ARHGAP24: variants seen among roughly 807,000 people sequenced by gnomAD.
ARHGAP24 encodes rho GTPase-activating protein 24.
Under a neutral mutation model 76.4 loss-of-function variants are expected in ARHGAP24, and 50 were observed. The ratio of observed to expected loss-of-function variants is 0.65; its 90% CI spans 0.52 to 0.83. ARHGAP24 has a LOEUF of 0.83. ARHGAP24 is among the 40% of genes least tolerant of loss of function. ARHGAP24 has a pLI of 0.00. For synonymous variants in ARHGAP24, 345 were observed against 323.3 expected (o/e 1.07, Z -0.72); for missense variants, 930 against 914.2 (o/e 1.02, Z -0.22).
At chr4:85,947,342 T>G (rs1200209486) in intron 5 of ARHGAP24, among the ~76,000 whole-genome samples, 1 of 152,194 alleles carries the variant, frequency 6.6e-6, no homozygotes. Context: ...TTTAATTAGG[T>G]CTCATTTGTC....
intron 1 of ARHGAP24, among the ~76,000 whole-genome samples, chr4:85,496,895 G>A (rs1723604527): frequency 6.6e-6 from 1 of 152,196 alleles, no homozygotes; most frequent in African/African-American, 2.4e-5. Flanking sequence ...ACAGAGAAAT[G>A]AGTATGAAAT....
At chr4:85,791,711 T>C (rs1297428010) in intron 3 of ARHGAP24, among the ~76,000 whole-genome samples, 2 of 152,220 alleles carry the variant, frequency 1.3e-5, no homozygotes, top group Non-Finnish European at 2.9e-5. Context: ...AGCTAAGGAC[T>C]CTGCTGACCC....
intron 5 of ARHGAP24, among the ~76,000 whole-genome samples, chr4:85,958,607 C>G (rs941370106): frequency 3.9e-5 from 6 of 152,122 alleles, no homozygotes; most frequent in Non-Finnish European, 7.3e-5. Context: ...TTTTATGACT[C>G]AGATTGTAAA....
chr4:85,834,645 G>A (rs75160826), intron 3 of ARHGAP24, among the ~76,000 whole-genome samples: 3 of 152,160 alleles, frequency 2.0e-5, no homozygotes, highest in Non-Finnish European at 2.9e-5. Context: ...TGACGTCCAC[G>A]TGGTTTCTGG....
chr4:85,907,473 A>C (rs1734829530), intron 3 of ARHGAP24, among the ~76,000 whole-genome samples: 1 of 152,226 alleles, frequency 6.6e-6, no homozygotes, highest in South Asian at 2.1e-4. Context: ...CTTGAATGAC[A>C]TCAACATGAC....
intron 2 of ARHGAP24, among the ~76,000 whole-genome samples, chr4:85,643,866 G>A (rs553682172): frequency 6.6e-6 from 1 of 152,272 alleles, no homozygotes; most frequent in Non-Finnish European, 1.5e-5. Flanking sequence ...AAAGCTGTGT[G>A]TTTGAGTCTC....
intron 3 of ARHGAP24, among the ~76,000 whole-genome samples, chr4:85,791,673 A>G (rs1443871295): frequency 5.3e-5 from 8 of 152,176 alleles, no homozygotes; most frequent in Non-Finnish European, 1.0e-4. Context: ...ATGGAAGCAC[A>G]TATTGAGGTG....
At chr4:85,621,112 C>CT (rs1720701665) in intron 2 of ARHGAP24, among the ~76,000 whole-genome samples, 1 of 152,144 alleles carries the variant, frequency 6.6e-6, no homozygotes, top group African/African-American at 2.4e-5. Flanking sequence ...TGATTTCATT[C>CT]TTTTTTTGTG....
chr4:85,649,037 T>TGTGTGTG (rs199528525), intron 2 of ARHGAP24, among the ~76,000 whole-genome samples: 2,025 of 111,124 alleles, frequency 0.018, 44 homozygotes, highest in African/African-American at 0.061. Context: ...GTGTGTGTGT[T>TGTGTGTG]TGTGTGTGTG....
At chr4:85,505,210 C>A (rs1015758408) in intron 1 of ARHGAP24, among the ~76,000 whole-genome samples, 5 of 152,158 alleles carry the variant, frequency 3.3e-5, no homozygotes, top group African/African-American at 1.2e-4. Flanking sequence ...TAGGGTTGCT[C>A]TTCTCGAGGA....
At chr4:85,809,881 T>C (rs1178216277) in intron 3 of ARHGAP24, among the ~76,000 whole-genome samples, 1 of 152,186 alleles carries the variant, frequency 6.6e-6, no homozygotes, top group African/African-American at 2.4e-5. Context: ...TAAACTGGGG[T>C]CTTCCAAAGG....
Position 86,000,621 on chromosome 4 carries a change from G to A in ARHGAP24, c.2146G>A (p.Asp716Asn), listed in dbSNP as rs1740963679. ...AAAAGAAGATGCCGAGAAAAGAAAT[G>A]ACATGCTACAGAAAGAAATGGAGCA... ...RAKEDAEKRN[D>N]MLQKEMEQFF... Residue 716 changes from aspartate to asparagine, a missense_variant, in exon 10 of 10, where the codon GAC becomes AAC. Coordinates refer to ENST00000395184, the MANE Select transcript of ARHGAP24 (RefSeq NM_001025616.3). The A allele has an allele frequency of 1.2e-6, 2 of 1,614,022 alleles. No individual in the cohort carries two copies. The highest frequency in any genetic ancestry group is 1.7e-6 in the Non-Finnish European group (2 of 1,179,974).
intron 3 of ARHGAP24, among the ~76,000 whole-genome samples, chr4:85,811,892 T>C (rs1729028971): frequency 6.6e-6 from 1 of 152,176 alleles, no homozygotes; most frequent in Non-Finnish European, 1.5e-5. Context: ...AAATGTGTTT[T>C]TGGCTGGGCG....
chr4:85,772,293 T>C (rs550961432), intron 3 of ARHGAP24, among the ~76,000 whole-genome samples: 1 of 152,270 alleles, frequency 6.6e-6, no homozygotes, highest in Non-Finnish European at 1.5e-5. Context: ...TAATTGTCAT[T>C]AACAGCAGTG....
intron 2 of ARHGAP24, among the ~76,000 whole-genome samples, chr4:85,654,267 C>G (rs993227466): frequency 6.6e-6 from 1 of 152,138 alleles, no homozygotes; most frequent in African/African-American, 2.4e-5. Flanking sequence ...TCTGTGTGTA[C>G]AGCCTGGCAT....
intron 1 of ARHGAP24, among the ~76,000 whole-genome samples, chr4:85,542,024 T>G (rs1725724571): frequency 6.6e-6 from 1 of 152,194 alleles, no homozygotes; most frequent in East Asian, 1.9e-4. Context: ...GAGTTATGCT[T>G]CATTTGAAAG....
chr4:85,813,544 G>C (rs11930630), intron 3 of ARHGAP24, among the ~76,000 whole-genome samples: 5 of 151,990 alleles, frequency 3.3e-5, no homozygotes, highest in African/African-American at 1.2e-4. Context: ...TTTTTCATAT[G>C]TATGAGTTAC....
At chr4:85,509,248 T>C (rs370823152) in intron 1 of ARHGAP24, among the ~76,000 whole-genome samples, 24 of 148,344 alleles carry the variant, frequency 1.6e-4, no homozygotes, top group Middle Eastern at 3.4e-3. Context: ...TAATGCTAAA[T>C]GATGAGTTAA....
intron 3 of ARHGAP24, among the ~76,000 whole-genome samples, chr4:85,737,600 A>G (rs1328494401): frequency 6.6e-6 from 1 of 152,212 alleles, no homozygotes; most frequent in African/African-American, 2.4e-5. Flanking sequence ...GCTGCTCAAA[A>G]TAATTGGGAG....
Sources: gnomAD v4.1 joint callset for allele counts (sites outside exome capture counted in the v4.1 genomes callset) on GRCh38, gnomAD v4.1.1 for gene constraint, MANE v1.5 for transcripts, NCBI Gene and HGNC (gene_info 2026-07-23, HGNC 2026-07-21) for gene names.